Variants in HTR3A observed in about 807,000 individuals in gnomAD.
HTR3A encodes the protein 5-hydroxytryptamine receptor 3A.
In HTR3A, 45 loss-of-function variants were observed where a neutral mutation model predicts 54.8. The observed-to-expected ratio is 0.82, with a 90% CI of 0.65 to 1.05. The LOEUF (loss-of-function observed/expected upper bound fraction) is 1.05, where lower values mean the gene tolerates loss of function less well. Ranked by LOEUF, HTR3A falls within the 50% of genes least tolerant of loss-of-function variation. The probability of loss-of-function intolerance (pLI) is 0.00; values close to 1 mark genes in which losing one functional copy is unlikely to be tolerated. For missense variants in HTR3A, 657 were observed against 614.0 expected (o/e 1.07, Z -0.74); for synonymous variants, 297 against 256.0 (o/e 1.16, Z -1.53).
In HTR3A at chr11:113,984,167, C is replaced by A. The variant is rs191201606; in HGVS notation, c.544+878C>A. On this transcript the variant is annotated intron_variant, in intron 5 of 8. Transcript: ENST00000504030. ...TAGCCTGGCCAACCCCTCTACTCAC[C>A]CTTCTGATGGCAGCATAAGTTTCAG... Among the ~76,000 whole-genome samples the A allele has an allele frequency of 1.7e-4, 26 of 152,322 alleles. No individual in the cohort carries two copies. The East Asian group carries it at 4.4e-3, about 26-fold the overall frequency.
chr11:113,981,425 C>A, intron 4 of HTR3A, 113 bp downstream of exon 4: 1 of 734,464 alleles, frequency 1.4e-6, no homozygotes, highest in Non-Finnish European at 2.5e-6. Flanking sequence ...CCAGGAATTG[C>A]AGACTGTAGA....
At chr11:113,975,731 A>G (rs1338126657) in intron 1 of HTR3A, among the ~76,000 whole-genome samples, 1 of 152,172 alleles carries the variant, frequency 6.6e-6, no homozygotes, top group African/African-American at 2.4e-5. Context: ...GAAAGCTGCA[A>G]GGGACCTTAG....
Position 113,977,817 on chromosome 11 carries a change from G to A in HTR3A, c.114G>A (p.Ser38=), listed in dbSNP as rs373214117. Residue 38 remains serine, a synonymous_variant, in exon 2 of 9, where the codon TCG becomes TCA. Coordinates refer to ENST00000504030, the MANE Select transcript of HTR3A (RefSeq NM_000869.6). ...CCAGGCCCGCTCTGCTGAGGCTGTC[G>A]GATTACCTTTTGACCAACTACAGGA... The part of the protein sequence containing the change: ...NTTRPALLRL[S]DYLLTNYRKG... 55 of 1,614,016 alleles carry A rather than the reference G, an allele frequency of 3.4e-5. No homozygotes were observed. The highest frequency in any genetic ancestry group is 1.9e-4 in the African/African-American group (14 of 74,892).
Position 113,989,798 on chromosome 11 carries a change from C to G in HTR3A, c.*35C>G. On this transcript the variant is annotated 3_prime_UTR_variant, in exon 9 of 9. Transcript: ENST00000504030. The surrounding 1 kb of genome is among the most constrained non-coding windows in gnomAD (Gnocchi z 4.4). Reference sequence around the variant, plus strand: ...GCCCAGTGGAGGAGGGGGTACAGTCCTGGTTAGGTGGGGACAGAGGATTTC... The same window carrying G: ...GCCCAGTGGAGGAGGGGGTACAGTCGTGGTTAGGTGGGGACAGAGGATTTC... The G allele has an allele frequency of 6.3e-7, 1 of 1,599,472 alleles. No homozygotes were observed. The highest frequency in any genetic ancestry group is 8.5e-7 in the Non-Finnish European group (1 of 1,177,190).
chr11:113,986,694 G>A lies in HTR3A; in HGVS notation c.882G>A (p.Thr294=), dbSNP rs545789087. Residue 294 remains threonine, a synonymous_variant, in exon 7 of 9, where the codon ACG becomes ACA. Coordinates refer to ENST00000504030, the MANE Select transcript of HTR3A (RefSeq NM_000869.6). ...TCTTCCTGATCATCGTTTCTGACAC[G>A]CTGCCGGCCACTGCCATCGGCACTC... is the stretch of plus-strand genomic sequence containing the variant. The part of the protein sequence containing the change: ...YSVFLIIVSD[T]LPATAIGTPL... 9 of 1,614,098 alleles carry A rather than the reference G, an allele frequency of 5.6e-6. No homozygotes were observed. The highest frequency in any genetic ancestry group is 1.7e-5 in the Admixed American group (1 of 60,024).
intron 8 of HTR3A, 40 bp downstream of exon 8, chr11:113,987,086 T>A: frequency 6.3e-7 from 1 of 1,599,396 alleles, no homozygotes; most frequent in Non-Finnish European, 8.5e-7. Flanking sequence ...GAGGGGCTGC[T>A]TCTGGCTTGG....
At chr11:113,981,484 T>C (rs1037890880) in intron 4 of HTR3A, among the ~76,000 whole-genome samples, 172 bp downstream of exon 4, 3 of 152,168 alleles carry the variant, frequency 2.0e-5, no homozygotes, top group Non-Finnish European at 2.9e-5. Context: ...CCCGACCTTT[T>C]TCTGTTCTTT....
rs1950497067 is a variant in HTR3A at position 113,986,710 on chromosome 11, A to T, written c.898A>T (p.Ile300Phe). 3 of 1,614,004 alleles carry T rather than the reference A, an allele frequency of 1.9e-6. No individual in the cohort carries two copies. The highest frequency in any genetic ancestry group is 1.3e-5 in the African/African-American group (1 of 74,906). Residue 300 changes from isoleucine to phenylalanine, a missense_variant, in exon 7 of 9, where the codon ATC (isoleucine) becomes TTC (phenylalanine). Coordinates refer to ENST00000504030, the MANE Select transcript of HTR3A (RefSeq NM_000869.6). ...IVSDTLPATA[I>F]GTPLIGVYFV... Reference sequence around the variant, plus strand: ...TTCTGACACGCTGCCGGCCACTGCCATCGGCACTCCTCTCATTGGTAAGGC... The same window carrying T: ...TTCTGACACGCTGCCGGCCACTGCCTTCGGCACTCCTCTCATTGGTAAGGC...
Position 113,975,270 on chromosome 11 carries a change from C to A in HTR3A, c.-56C>A, listed in dbSNP as rs749273277. On this transcript the variant is annotated 5_prime_UTR_variant, in exon 1 of 9. Coordinates refer to ENST00000504030, the MANE Select transcript of HTR3A (RefSeq NM_000869.6). Reference sequence around the variant, plus strand: ...TTGGCAGAGGGCAGGCAAGCTGGCCCTTGGTGGGCCTCGTCCTGAGCACTC... The same window carrying A: ...TTGGCAGAGGGCAGGCAAGCTGGCCATTGGTGGGCCTCGTCCTGAGCACTC... The A allele has an allele frequency of 5.7e-6, 9 of 1,589,770 alleles. No individual in the cohort carries two copies. The African/African-American group carries it at 9.4e-5, about 17-fold the overall frequency.
At chr11:113,979,753 A>G (rs554250305) in intron 3 of HTR3A, among the ~76,000 whole-genome samples, 2 of 152,230 alleles carry the variant, frequency 1.3e-5, no homozygotes, top group East Asian at 3.9e-4. Context: ...GTGTGTGGAT[A>G]CATCTGAGGC....
rs752822775 is a variant in HTR3A at position 113,983,299 on chromosome 11, T to A, written c.544+10T>A. 111 of 1,613,594 alleles carry A rather than the reference T, an allele frequency of 6.9e-5. 2 individuals carry two copies. The South Asian group carries it at 1.2e-3, about 17-fold the overall frequency. On this transcript the variant is annotated intron_variant, in intron 5 of 8. Coordinates refer to ENST00000504030, the MANE Select transcript of HTR3A (RefSeq NM_000869.6). ...AGTTGGCTGCACACCAGTGAGTATG[T>A]GGGCTTCGCCGGGACAGGGGTGGAG...
chr11:113,978,235 G>A (rs562053322), intron 2 of HTR3A, among the ~76,000 whole-genome samples: 1 of 152,298 alleles, frequency 6.6e-6, no homozygotes, highest in African/African-American at 2.4e-5. Flanking sequence ...ACGGTCCCAT[G>A]CATCTCTATG....
intron 5 of HTR3A, among the ~76,000 whole-genome samples, chr11:113,985,734 G>GGA (rs1950481808): frequency 6.6e-6 from 1 of 151,866 alleles, no homozygotes. Flanking sequence ...TGTGTGTGAA[G>GGA]GAGAGAGAGC....
At position 113,975,223 on chromosome 11, in the gene HTR3A, G is replaced by C. The variant is rs1354526914; in HGVS notation, c.-103G>C. 4.5e-6 allele frequency: 5 copies of C among 1,120,898 alleles called. No homozygotes were observed. Among genetic ancestry groups the C allele is most frequent in the Non-Finnish European group, 6.6e-6 (5 of 754,590 alleles). 69.4% of individuals were successfully genotyped at this position (1,120,898 alleles called of 1,614,324 possible). ...AAGGTGTGAGCAGTGGCCACGAGAG[G>C]CAGGCTGGCTGGGACATGAGGTTGG... On this transcript the variant is annotated 5_prime_UTR_variant, in exon 1 of 9. Transcript: ENST00000504030.
At position 113,989,657 on chromosome 11, in the gene HTR3A, G is replaced by GC. The variant is rs770102350; in HGVS notation, c.1332dup (p.Val445ArgfsTer136). ...CGAGAGGTGGCCCGAGACTGGCTGCGCGTGGGCTCCGTGCTGGACAAGCTG... is the reference window on the plus strand; with the variant it reads ...CGAGAGGTGGCCCGAGACTGGCTGCGCCGTGGGCTCCGTGCTGGACAAGCTG... On this transcript the variant is annotated frameshift_variant, in exon 9 of 9. Coordinates refer to ENST00000504030, the MANE Select transcript of HTR3A (RefSeq NM_000869.6). LOFTEE classifies it high-confidence loss of function. This position sits in a 1 kb window ranked among gnomAD's most constrained non-coding sequence, Gnocchi z 4.4. 6.2e-7 allele frequency: 1 copy of GC among 1,614,198 alleles called. No individual in the cohort carries two copies. The highest frequency in any genetic ancestry group is 8.5e-7 in the Non-Finnish European group (1 of 1,180,032).
chr11:113,979,144 C>T, intron 2 of HTR3A, 89 bp from the exon 3 acceptor site: 1 of 1,010,934 alleles, frequency 9.9e-7, no homozygotes, highest in Non-Finnish European at 1.6e-6. Context: ...AATAGGGACA[C>T]AAGGAAGCCC....
intron 5 of HTR3A, among the ~76,000 whole-genome samples, chr11:113,985,634 A>T (rs1950479941): frequency 6.6e-6 from 1 of 152,046 alleles, no homozygotes; most frequent in South Asian, 2.1e-4. Flanking sequence ...AAGAATGTTG[A>T]CTTTTGTTCA....
chr11:113,977,533 A>T, intron 1 of HTR3A: 2 of 1,551,194 alleles, frequency 1.3e-6, no homozygotes, highest in South Asian at 2.4e-5. Flanking sequence ...TCCAAGCCAG[A>T]TCTCTGCTTT....
At chr11:113,985,861 A>T (rs1039179427) in intron 5 of HTR3A, among the ~76,000 whole-genome samples, 154 bp from the exon 6 acceptor site, 1 of 152,132 alleles carries the variant, frequency 6.6e-6, no homozygotes, top group Non-Finnish European at 1.5e-5. Context: ...TTTATAGCTG[A>T]GGACACTGAG....
Sources: allele counts gnomAD v4.1 joint callset (sites outside exome capture counted in the v4.1 genomes callset), GRCh38; gene constraint gnomAD v4.1.1; non-coding constraint Gnocchi (gnomAD v3.1); transcripts MANE v1.5; gene names NCBI Gene and HGNC (gene_info 2026-07-23, HGNC 2026-07-21).